The following RRBP1 variants were observed in gnomAD, a reference collection of about 807,000 sequenced individuals.
RRBP1 encodes the protein ribosome binding protein 1.
RRBP1 carries 94 observed loss-of-function variants against 165.2 expected under a neutral mutation model. The observed-to-expected ratio is 0.57, with a 90% CI of 0.48 to 0.68. The LOEUF is 0.68. RRBP1 is among the 30% of genes least tolerant of loss of function. The pLI is 0.00. For synonymous variants in RRBP1, 680 were observed against 714.5 expected, an observed-to-expected ratio of 0.95 and a Z score of 0.77; for missense variants, 1,676 against 1,763.0, an observed-to-expected ratio of 0.95 and a Z score of 0.88.
In RRBP1 at chr20:17,619,899, C is replaced by T. The variant is rs1453413133; in HGVS notation, c.3580-171G>A. The stretch of plus-strand genomic sequence containing the variant: ...TAGTCCGCGGCAAGAGAACCCCTTA[C>T]GGAAAGTGGCAGGCTGCACCCGGGC... On this transcript the variant is annotated intron_variant, in intron 18 of 24. Transcript: ENST00000377813. The T allele has an allele frequency of 2.8e-5, 16 of 561,522 alleles. No individual in the cohort carries two copies. The African/African-American group carries it at 2.8e-4, about 10-fold the overall frequency. 34.8% of individuals were successfully genotyped at this position (561,522 alleles called of 1,614,324 possible).
rs537544790 is a variant in RRBP1, at chr20:17,667,479, A to G, written c.-21-6951T>C. ...AGTCCTTTCTCTTTTCTTGCAGCAA[A>G]TATTTAAGGCAATAAATTTCCCCCT... On this transcript the variant is annotated intron_variant, in intron 2 of 24. Transcript: ENST00000377813. Among the ~76,000 whole-genome samples the G allele has an allele frequency of 2.6e-5, 4 of 152,210 alleles. No individual in the cohort carries two copies. The East Asian group carries it at 5.8e-4, about 22-fold the overall frequency.
chr20:17,639,388 C>G (rs1039726472), intron 5 of RRBP1, among the ~76,000 whole-genome samples: 5 of 152,230 alleles, frequency 3.3e-5, no homozygotes, highest in African/African-American at 1.2e-4. Context: ...CCCCAAGAAA[C>G]AGAATTAATG....
chr20:17,620,199 G>T, intron 18 of RRBP1, 100 bp downstream of exon 18: 1 of 861,242 alleles, frequency 1.2e-6, no homozygotes, highest in South Asian at 1.5e-5. Flanking sequence ...TAAGGCACAC[G>T]GTCCATGAGG....
chr20:17,660,435 T>C lies in RRBP1; in HGVS notation c.73A>G (p.Ile25Val), dbSNP rs1291977808. Residue 25 changes from isoleucine to valine, a missense_variant, in exon 3 of 25, where the codon ATC becomes GTC. Coordinates refer to ENST00000377813, the MANE Select transcript of RRBP1 (RefSeq NM_001365613.2). ...GGFMVVSAIG[I>V]FLVSTFSMKE... ...ATGGAGAAAGTCGACACCAGGAAGA[T>C]GCCAATGGCAGAAACAACCATGAAT... The C allele has an allele frequency of 2.5e-6, 4 of 1,614,200 alleles. No individual in the cohort carries two copies. Among genetic ancestry groups the C allele is most frequent in the Admixed American group, 1.7e-5 (1 of 60,018 alleles).
chr20:17,646,796 G>A (rs530485563), intron 3 of RRBP1, among the ~76,000 whole-genome samples: 6 of 152,268 alleles, frequency 3.9e-5, no homozygotes, highest in Middle Eastern at 3.4e-3. Flanking sequence ...CAACTGTGGC[G>A]TCCTTGGATG....
Position 17,615,962 on chromosome 20 carries a change from C to T in RRBP1, c.3915G>A (p.Gln1305=). Reference sequence around the variant, plus strand: ...CGGCCGTGAGCTTCTGCCGCTGTGTCTGCTCATCCTCCAGGATGGCTTCTG... The same window carrying T: ...CGGCCGTGAGCTTCTGCCGCTGTGTTTGCTCATCCTCCAGGATGGCTTCTG... ...EWTEAILEDE[Q]TQRQKLTAEF... Residue 1305 remains glutamine, a synonymous_variant, in exon 22 of 25, where the codon CAG becomes CAA. Coordinates refer to ENST00000377813, the MANE Select transcript of RRBP1 (RefSeq NM_001365613.2). The T allele has an allele frequency of 6.2e-7, 1 of 1,609,898 alleles. No individual in the cohort carries two copies. Among genetic ancestry groups the T allele is most frequent in the Non-Finnish European group, 8.5e-7 (1 of 1,179,942 alleles).
At chr20:17,680,588 A>C (rs2037162530) in intron 1 of RRBP1, among the ~76,000 whole-genome samples, 1 of 151,998 alleles carries the variant, frequency 6.6e-6, no homozygotes, top group African/African-American at 2.4e-5. Context: ...ACAAGGTCCC[A>C]GCACTTCCCG....
chr20:17,629,994 A>C, intron 8 of RRBP1, 33 bp from the exon 9 acceptor site: 1 of 1,576,494 alleles, frequency 6.3e-7, no homozygotes, highest in Non-Finnish European at 8.6e-7. Context: ...GGCAGTGAAG[A>C]CGTGGAAGGA....
At chr20:17,627,446 C>T in intron 10 of RRBP1, 58 bp downstream of exon 10, 1 of 1,609,206 alleles carries the variant, frequency 6.2e-7, no homozygotes, top group South Asian at 1.1e-5. Context: ...GGGGCTAGTC[C>T]ACCCACCTGC....
chr20:17,620,192 G>A (rs928298400), intron 18 of RRBP1, 107 bp downstream of exon 18: 1 of 828,570 alleles, frequency 1.2e-6, no homozygotes, highest in Non-Finnish European at 2.0e-6. Context: ...CCTCTCTTAA[G>A]GCACACGGTC....
chr20:17,618,412 T>C (rs931771221), intron 20 of RRBP1, among the ~76,000 whole-genome samples, 184 bp downstream of exon 20: 8 of 152,162 alleles, frequency 5.3e-5, no homozygotes, highest in South Asian at 4.1e-4. Context: ...CAGGCCCAGC[T>C]CAGAGTTCTG....
intron 2 of RRBP1, among the ~76,000 whole-genome samples, chr20:17,671,476 G>GA (rs1406990571): frequency 2.0e-5 from 3 of 152,190 alleles, no homozygotes; most frequent in African/African-American, 7.2e-5. Context: ...CTCAAATAAA[G>GA]AATCTTCAAA....
At chr20:17,639,549 C>G (rs1372681948) in intron 5 of RRBP1, among the ~76,000 whole-genome samples, 1 of 152,228 alleles carries the variant, frequency 6.6e-6, no homozygotes, top group Non-Finnish European at 1.5e-5. Flanking sequence ...AATTTACTGT[C>G]TCACAACATT....
chr20:17,621,978 G>A (rs1477308065), intron 13 of RRBP1, 31 bp from the exon 14 acceptor site: 15 of 1,573,138 alleles, frequency 9.5e-6, no homozygotes, highest in Non-Finnish European at 1.2e-5. Context: ...AGCGGAAGGT[G>A]TTCAGCTGTG....
chr20:17,672,093 G>T (rs1040191196), intron 2 of RRBP1, among the ~76,000 whole-genome samples: 1 of 152,158 alleles, frequency 6.6e-6, no homozygotes, highest in African/African-American at 2.4e-5. Flanking sequence ...AGGGAGGAAG[G>T]GCTCCTGCAG....
intron 1 of RRBP1, among the ~76,000 whole-genome samples, chr20:17,680,313 G>GAC (rs979599282): frequency 5.3e-5 from 8 of 152,236 alleles, no homozygotes; most frequent in African/African-American, 1.9e-4. Context: ...GGGAGTGCCA[G>GAC]ACAGACGTCC....
chr20:17,642,497 G>A lies in RRBP1; in HGVS notation c.2061+482C>T, dbSNP rs78184740. Among the ~76,000 whole-genome samples the A allele has an allele frequency of 6.8e-4, 104 of 152,294 alleles. 1 individual carries two copies. Among genetic ancestry groups the A allele is most frequent in the African/African-American group, 2.4e-3 (100 of 41,558 alleles). ...TCTAACCACTAAATCCTCCAGCACAGTTACCCTGAACTCTGACTCCAGTGA... is the reference window on the plus strand; with the variant it reads ...TCTAACCACTAAATCCTCCAGCACAATTACCCTGAACTCTGACTCCAGTGA... On this transcript the variant is annotated intron_variant, in intron 4 of 24. Coordinates refer to ENST00000377813, the MANE Select transcript of RRBP1 (RefSeq NM_001365613.2).
rs201538239 is a variant in RRBP1 at position 17,627,643 on chromosome 20, C to T, written c.2789G>A (p.Arg930His). Reference protein sequence around the residue: ...SKLQSSEAEVRSKCEELSGLH... With the variant: ...SKLQSSEAEVHSKCEELSGLH... The stretch of plus-strand genomic sequence containing the variant: ...GCCACTCAGCTCCTCGCATTTGCTG[C>T]GCACCTCCGCCTCGGAGGACTGTAA... The change falls in exon 10 of 25, where the codon CGC becomes CAC. Residue 930 changes from arginine (R) to histidine (H), a missense_variant. Arg to His is a conservative substitution (Grantham distance 29, BLOSUM62 0). This residue lies in a region of RRBP1 where 1,184 missense variants were observed against 1,167.1 expected (regional missense o/e 1.01). Coordinates refer to ENST00000377813, the MANE Select transcript of RRBP1 (RefSeq NM_001365613.2). 748 of 1,611,514 alleles carry T rather than the reference C, an allele frequency of 4.6e-4. 1 individual carries two copies. Among genetic ancestry groups the T allele is most frequent in the Middle Eastern group, 8.3e-4 (5 of 6,046 alleles).
intron 2 of RRBP1, among the ~76,000 whole-genome samples, chr20:17,667,503 C>T (rs574499258): frequency 5.2e-4 from 79 of 152,300 alleles, no homozygotes; most frequent in African/African-American, 1.9e-3. Flanking sequence ...AAATTTCCCC[C>T]TAAGTACTGC....
Sources: gnomAD v4.1 joint callset for allele counts (sites outside exome capture counted in the v4.1 genomes callset) on GRCh38, gnomAD v4.1.1 for gene constraint, gnomAD v4.1.1 regional missense constraint, MANE v1.5 for transcripts, NCBI Gene and HGNC (gene_info 2026-07-23, HGNC 2026-07-21) for gene names.